ARB2A: variants seen among roughly 807,000 people sequenced by gnomAD.
ARB2A encodes the protein cotranscriptional regulator ARB2A.
At chr5:93,853,536 A>C in the ARB2A span, among the ~76,000 whole-genome samples, 15 of 152,232 alleles carry the variant, frequency 9.9e-5, no homozygotes, top group East Asian at 2.3e-3. Flanking sequence ...GTCTTGTGCC[A>C]GTTTTCCAAG....
chr5:94,088,065 G>C, the ARB2A span, among the ~76,000 whole-genome samples: 2 of 152,202 alleles, frequency 1.3e-5, no homozygotes, highest in African/African-American at 4.8e-5. Context: ...ATTTCTTAGG[G>C]ATAATGCTGA....
chr5:93,909,332 A>C, the ARB2A span, among the ~76,000 whole-genome samples: 3 of 151,086 alleles, frequency 2.0e-5, no homozygotes, highest in African/African-American at 7.3e-5. Context: ...AGCACCGCTG[A>C]ATAAATGAAA....
At chr5:93,691,661 C>T in the ARB2A span, among the ~76,000 whole-genome samples, 1 of 151,954 alleles carries the variant, frequency 6.6e-6, no homozygotes, top group African/African-American at 2.4e-5. Context: ...CATTCAAATT[C>T]AGGAAATACA....
the ARB2A span, among the ~76,000 whole-genome samples, chr5:93,625,019 TATC>T: frequency 1.3e-5 from 2 of 150,946 alleles, no homozygotes; most frequent in Admixed American, 1.3e-4. Flanking sequence ...ATGAAAAAAA[TATC>T]ATAACTGATG....
At chr5:93,700,892 C>A in the ARB2A span, among the ~76,000 whole-genome samples, 2 of 152,082 alleles carry the variant, frequency 1.3e-5, no homozygotes, top group African/African-American at 4.8e-5. Flanking sequence ...CTGTAAAACA[C>A]TAGATTGCCT....
At chr5:93,890,099 T>G in the ARB2A span, among the ~76,000 whole-genome samples, 2 of 152,068 alleles carry the variant, frequency 1.3e-5, no homozygotes, top group Middle Eastern at 6.8e-3. Context: ...TCTATCATAT[T>G]TGAAGTTCAA....
At chr5:93,807,079 G>C in the ARB2A span, among the ~76,000 whole-genome samples, 2 of 151,942 alleles carry the variant, frequency 1.3e-5, no homozygotes, top group Non-Finnish European at 2.9e-5. Flanking sequence ...AACTGGTCTG[G>C]AGGAGGATAT....
chr5:93,932,432 C>T, the ARB2A span, among the ~76,000 whole-genome samples: 1 of 152,016 alleles, frequency 6.6e-6, no homozygotes, highest in Non-Finnish European at 1.5e-5. Flanking sequence ...TTAACTAAAG[C>T]ACCAATAAAC....
chr5:93,985,394 T>C, the ARB2A span, among the ~76,000 whole-genome samples: 2,792 of 151,472 alleles, frequency 0.018, 52 homozygotes, highest in African/African-American at 0.045. Flanking sequence ...CCTCTTTCCA[T>C]GGTCTCCCCC....
the ARB2A span, among the ~76,000 whole-genome samples, chr5:93,648,972 C>T: frequency 6.6e-6 from 1 of 152,044 alleles, no homozygotes; most frequent in Non-Finnish European, 1.5e-5. Flanking sequence ...ATTATTTACC[C>T]AGGAGAACAA....
the ARB2A span, among the ~76,000 whole-genome samples, chr5:94,104,354 A>C: frequency 2.0e-5 from 3 of 151,656 alleles, no homozygotes; most frequent in Non-Finnish European, 4.4e-5. Context: ...AAAAAAAAAA[A>C]ACTCTCAGAG....
the ARB2A span, among the ~76,000 whole-genome samples, chr5:93,946,616 T>C: frequency 6.6e-6 from 1 of 152,188 alleles, no homozygotes; most frequent in Non-Finnish European, 1.5e-5. Context: ...GACAGAACTA[T>C]AATTTTAAAA....
At chr5:94,038,392 C>T in the ARB2A span, among the ~76,000 whole-genome samples, 1 of 152,016 alleles carries the variant, frequency 6.6e-6, no homozygotes, top group African/African-American at 2.4e-5. Flanking sequence ...ACCACTCTCC[C>T]ACCTCCTTAA....
chr5:93,857,132 T>C, the ARB2A span, among the ~76,000 whole-genome samples: 1 of 152,166 alleles, frequency 6.6e-6, no homozygotes, highest in Non-Finnish European at 1.5e-5. Flanking sequence ...TGTCTGATCG[T>C]TCCTCTGGAA....
the ARB2A span, among the ~76,000 whole-genome samples, chr5:93,875,378 C>G: frequency 1.3e-5 from 2 of 151,994 alleles, no homozygotes; most frequent in African/African-American, 4.8e-5. Context: ...ATTACAGGTG[C>G]CCACCACCAT....
the ARB2A span, among the ~76,000 whole-genome samples, chr5:94,029,987 CAAG>C: frequency 1.5e-4 from 23 of 152,080 alleles, no homozygotes; most frequent in Non-Finnish European, 3.1e-4. Context: ...TGGCAGCAGA[CAAG>C]AGAGAGAGAG....
chr5:93,718,300 G>A, the ARB2A span, among the ~76,000 whole-genome samples: 1 of 152,004 alleles, frequency 6.6e-6, no homozygotes, highest in Non-Finnish European at 1.5e-5. Flanking sequence ...TTAGCCAGGT[G>A]TGTTGGCGGG....
chr5:94,061,118 G>C, the ARB2A span, among the ~76,000 whole-genome samples: 1 of 151,962 alleles, frequency 6.6e-6, no homozygotes, highest in Admixed American at 6.6e-5. Context: ...GGTGCCTGTA[G>C]TCCCAGCTAC....
the ARB2A span, among the ~76,000 whole-genome samples, chr5:93,845,996 C>A: frequency 3.3e-5 from 3 of 90,830 alleles, no homozygotes; most frequent in African/African-American, 1.2e-4. Context: ...CTCTCTCTCT[C>A]TGTGACACAC....
Sources: allele counts gnomAD v4.1 joint callset (sites outside exome capture counted in the v4.1 genomes callset), GRCh38; gene constraint gnomAD v4.1.1; transcripts MANE v1.5; gene names NCBI Gene and HGNC (gene_info 2026-07-23, HGNC 2026-07-21).